LYPD1: variants seen among roughly 807,000 people sequenced by gnomAD.
LYPD1 encodes the protein LY6/PLAUR domain containing 1.
LYPD1 carries 14 observed loss-of-function variants against 14.2 expected under a neutral mutation model. The ratio of observed to expected loss-of-function variants is 0.99; its 90% CI spans 0.65 to 1.54. LYPD1 has a LOEUF of 1.54. LYPD1 is among the 40% of genes most tolerant of loss of function. LYPD1 has a pLI of 0.00. For missense variants in LYPD1, 165 were observed against 175.7 expected (o/e 0.94, Z 0.34); for synonymous variants, 85 against 70.6 (o/e 1.20, Z -1.02).
chr2:132,645,644 C>CCAGCCCTA lies in LYPD1; in HGVS notation c.*393_*400dup. On this transcript the variant is annotated 3_prime_UTR_variant, in exon 3 of 3. Coordinates refer to ENST00000397463, the MANE Select transcript of LYPD1 (RefSeq NM_144586.7). The stretch of plus-strand genomic sequence containing the variant: ...GGAGCCTTGAGTGGGAACTGGCCCT[C>CCAGCCCTA]CAGCCCTAAGAAAACGTCACTCTCA... The CCAGCCCTA allele has an allele frequency of 3.8e-6, 6 of 1,578,446 alleles. No individual in the cohort carries two copies. The highest frequency in any genetic ancestry group is 5.2e-6 in the Non-Finnish European group (6 of 1,163,794).
At chr2:132,651,198 T>G (rs370076406) in intron 2 of LYPD1, among the ~76,000 whole-genome samples, 1 of 152,290 alleles carries the variant, frequency 6.6e-6, no homozygotes, top group African/African-American at 2.4e-5. Flanking sequence ...AGAAGAATGA[T>G]TTTTAAAATG....
chr2:132,664,250 A>G (rs1419950344), intron 2 of LYPD1, among the ~76,000 whole-genome samples: 1 of 152,196 alleles, frequency 6.6e-6, no homozygotes, highest in Non-Finnish European at 1.5e-5. Context: ...TTAAGCAGAC[A>G]TAGACTTAAG....
intron 2 of LYPD1, among the ~76,000 whole-genome samples, chr2:132,651,313 ACT>A (rs1418805227): frequency 6.6e-6 from 1 of 152,162 alleles, no homozygotes; most frequent in Non-Finnish European, 1.5e-5. Flanking sequence ...GGGAATGACC[ACT>A]CTCAAGAAAA....
At chr2:132,648,238 CT>C (rs2104896061) in intron 2 of LYPD1, among the ~76,000 whole-genome samples, 1 of 152,060 alleles carries the variant, frequency 6.6e-6, no homozygotes, top group East Asian at 1.9e-4. Context: ...CTACAGTGAC[CT>C]TTTTTCTTTA....
rs1573768699 is a variant in LYPD1, at chr2:132,669,943, T to G, written c.-11A>C. The G allele has an allele frequency of 2.5e-6, 4 of 1,611,474 alleles. No homozygotes were observed. Among genetic ancestry groups the G allele is most frequent in the Non-Finnish European group, 3.4e-6 (4 of 1,179,056 alleles). On this transcript the variant is annotated 5_prime_UTR_variant, in exon 1 of 3. Transcript: ENST00000397463. This position sits in a 1 kb window ranked among gnomAD's most constrained non-coding sequence, Gnocchi z 4.3. ...GCCTAGGACCCACATTCTCCCGGAGTCCCGGGGCCGGGAGAGGGCAAGCGC... is the reference window on the plus strand; with the variant it reads ...GCCTAGGACCCACATTCTCCCGGAGGCCCGGGGCCGGGAGAGGGCAAGCGC...
At chr2:132,660,744 G>A (rs1682878930) in intron 2 of LYPD1, among the ~76,000 whole-genome samples, 1 of 152,168 alleles carries the variant, frequency 6.6e-6, no homozygotes, top group African/African-American at 2.4e-5. Flanking sequence ...TAGTCTTCTA[G>A]AAAAAATTAA....
chr2:132,670,833 A>G (rs184822055), upstream of LYPD1, among the ~76,000 whole-genome samples: 4 of 151,958 alleles, frequency 2.6e-5, no homozygotes, highest in Non-Finnish European at 1.5e-5. The surrounding 1 kb of genome is among the most constrained non-coding windows in gnomAD (Gnocchi z 4.5). Context: ...ACACTGCCTT[A>G]ACTGTCTCAC....
chr2:132,647,701 C>A (rs910494321), intron 2 of LYPD1, among the ~76,000 whole-genome samples: 1 of 152,158 alleles, frequency 6.6e-6, no homozygotes, highest in Non-Finnish European at 1.5e-5. Context: ...TAAAGCTAGA[C>A]TTAGAATTAA....
At chr2:132,650,916 T>A (rs939566031) in intron 2 of LYPD1, among the ~76,000 whole-genome samples, 4 of 152,186 alleles carry the variant, frequency 2.6e-5, no homozygotes, top group African/African-American at 4.8e-5. Context: ...TCAGGTAATA[T>A]GTTGTGGAGC....
chr2:132,661,237 T>G (rs1682918367), intron 2 of LYPD1, among the ~76,000 whole-genome samples: 1 of 151,966 alleles, frequency 6.6e-6, no homozygotes, highest in African/African-American at 2.4e-5. Flanking sequence ...AGAAACTAAT[T>G]CAAGATCTCA....
chr2:132,647,844 G>T (rs1682187738), intron 2 of LYPD1, among the ~76,000 whole-genome samples: 1 of 152,146 alleles, frequency 6.6e-6, no homozygotes, highest in Non-Finnish European at 1.5e-5. Flanking sequence ...CCGTCCTCGA[G>T]AATTGCCACT....
At chr2:132,660,072 C>T (rs943287141) in intron 2 of LYPD1, among the ~76,000 whole-genome samples, 13 of 152,300 alleles carry the variant, frequency 8.5e-5, no homozygotes, top group African/African-American at 2.4e-4. Flanking sequence ...GCGTGCCTGG[C>T]GCGGCCCGCC....
At chr2:132,664,100 C>A (rs1181277241) in intron 2 of LYPD1, among the ~76,000 whole-genome samples, 1 of 152,004 alleles carries the variant, frequency 6.6e-6, no homozygotes, top group East Asian at 1.9e-4. Flanking sequence ...TGAGTGCATG[C>A]ACTCAAAAGA....
In LYPD1 at chr2:132,646,030, G is replaced by C. The variant is rs1394222861; in HGVS notation, c.*15C>G. On this transcript the variant is annotated 3_prime_UTR_variant, in exon 3 of 3. Coordinates refer to ENST00000397463, the MANE Select transcript of LYPD1 (RefSeq NM_144586.7). ...TGGAAGAACAATGCAGGAGGGGGTG[G>C]CATCTCCTTCAGCTTCAGCAGTGTG... 2.6e-6 allele frequency: 4 copies of C among 1,509,816 alleles called. No individual in the cohort carries two copies. In the South Asian group the frequency reaches 5.2e-5, roughly 20 times the overall value. 93.5% of individuals were successfully genotyped at this position (1,509,816 alleles called of 1,614,324 possible).
Position 132,643,466 on chromosome 2 carries a change from C to G in LYPD1, c.*2579G>C, listed in dbSNP as rs1364673116. Among the ~76,000 whole-genome samples the G allele has an allele frequency of 2.0e-5, 3 of 152,170 alleles. No homozygotes were observed. The highest frequency in any genetic ancestry group is 1.5e-5 in the Non-Finnish European group (1 of 68,032). Reference sequence around the variant, plus strand: ...CAAGGAATACTCAGGCCAGTGCATACAGGAGGCTCAATTCTGGATGTGTGA... The same window carrying G: ...CAAGGAATACTCAGGCCAGTGCATAGAGGAGGCTCAATTCTGGATGTGTGA... On this transcript the variant is annotated 3_prime_UTR_variant, in exon 3 of 3. Coordinates refer to ENST00000397463, the MANE Select transcript of LYPD1 (RefSeq NM_144586.7).
At chr2:132,663,307 T>G (rs1683074053) in intron 2 of LYPD1, among the ~76,000 whole-genome samples, 1 of 152,238 alleles carries the variant, frequency 6.6e-6, no homozygotes, top group Non-Finnish European at 1.5e-5. Flanking sequence ...AGAGTCTCAC[T>G]CTGTTGCCCA....
At chr2:132,653,696 A>G (rs1682438287) in intron 2 of LYPD1, among the ~76,000 whole-genome samples, 1 of 152,252 alleles carries the variant, frequency 6.6e-6, no homozygotes, top group South Asian at 2.1e-4. Context: ...GTAACTTTAC[A>G]GTGGAAAAAC....
intron 2 of LYPD1, among the ~76,000 whole-genome samples, chr2:132,655,532 T>TTTTTTTTTTA (rs1682538106): frequency 1.4e-5 from 2 of 147,538 alleles, no homozygotes; most frequent in East Asian, 2.0e-4. Context: ...TTTTTTTTTT[T>TTTTTTTTTTA]GAGATGGAGT....
At chr2:132,650,978 A>G (rs1279325921) in intron 2 of LYPD1, among the ~76,000 whole-genome samples, 1 of 152,210 alleles carries the variant, frequency 6.6e-6, no homozygotes, top group African/African-American at 2.4e-5. Flanking sequence ...CTTAACCATT[A>G]TACTACACTG....
Sources: gnomAD v4.1 joint callset for allele counts (sites outside exome capture counted in the v4.1 genomes callset) on GRCh38, gnomAD v4.1.1 for gene constraint, Gnocchi (gnomAD v3.1) non-coding constraint, MANE v1.5 for transcripts, NCBI Gene and HGNC (gene_info 2026-07-23, HGNC 2026-07-21) for gene names.